ANKRD31: variants seen among roughly 807,000 people sequenced by gnomAD.
ANKRD31 encodes the protein ankyrin repeat domain 31.
ANKRD31 carries 147 observed loss-of-function variants against 186.0 expected under a neutral mutation model. That is an observed-to-expected ratio of 0.79 (90% CI 0.69 to 0.91). The LOEUF (loss-of-function observed/expected upper bound fraction) is 0.91. Ranked by LOEUF, ANKRD31 falls within the 40% of genes least tolerant of loss-of-function variation. ANKRD31 has a pLI of 0.00. For missense variants in ANKRD31, 1,986 were observed against 2,148.8 expected (o/e 0.92, Z 1.50); for synonymous variants, 673 against 736.4 (o/e 0.91, Z 1.39).
At chr5:75,088,860 C>T (rs915125802) in intron 23 of ANKRD31, among the ~76,000 whole-genome samples, 10 of 152,176 alleles carry the variant, frequency 6.6e-5, no homozygotes, top group Non-Finnish European at 1.0e-4. Flanking sequence ...TCAAGCTCCA[C>T]AATCGCTACG....
At chr5:75,153,739 T>A (rs1332199461) in intron 12 of ANKRD31, among the ~76,000 whole-genome samples, 1 of 152,148 alleles carries the variant, frequency 6.6e-6, no homozygotes, top group Non-Finnish European at 1.5e-5. Flanking sequence ...TAAATTATGT[T>A]TACATAATTT....
In ANKRD31 at chr5:75,130,447, C is replaced by T. The variant is rs552348316; in HGVS notation, c.3876+7409G>A. ...CACCTACATCCTACTGATTGGTCCA[C>T]TTTAAAGAGAGCTGATTGGTCCATT... is the stretch of plus-strand genomic sequence containing the variant. On this transcript the variant is annotated intron_variant, in intron 17 of 25. Coordinates refer to ENST00000506364, the MANE Select transcript of ANKRD31 (RefSeq NM_001372053.1). Among the ~76,000 whole-genome samples the T allele has an allele frequency of 1.9e-4, 29 of 152,294 alleles. No individual in the cohort carries two copies. In the South Asian group the frequency reaches 5.2e-3, roughly 27 times the overall value.
Position 75,167,174 on chromosome 5 carries a change from AT to A in ANKRD31, c.1707+1804del, listed in dbSNP as rs72014745. On this transcript the variant is annotated intron_variant, in intron 11 of 25. Transcript: ENST00000506364. ...AAATTAATGGAATGGTAAGATGTGG[AT>A]TTTTTTTTTTTACTGCTTTTTCACT... Among the ~76,000 whole-genome samples, 325 of 146,376 alleles carry A rather than the reference AT, an allele frequency of 2.2e-3. 1 individual carries two copies. Among genetic ancestry groups the A allele is most frequent in the African/African-American group, 5.1e-3 (206 of 40,264 alleles).
At chr5:75,099,901 G>GT (rs1313036706) in intron 22 of ANKRD31, among the ~76,000 whole-genome samples, 2 of 152,178 alleles carry the variant, frequency 1.3e-5, no homozygotes, top group South Asian at 2.1e-4. Flanking sequence ...TTTTTGAATG[G>GT]TTTTTTGTGT....
At chr5:75,154,524 G>A (rs1021384196) in intron 11 of ANKRD31, among the ~76,000 whole-genome samples, 179 bp from the exon 12 acceptor site, 1 of 151,956 alleles carries the variant, frequency 6.6e-6, no homozygotes, top group African/African-American at 2.4e-5. Flanking sequence ...ATTTTAATTT[G>A]TTGATACATG....
intron 6 of ANKRD31, among the ~76,000 whole-genome samples, chr5:75,199,390 G>A (rs889761697): frequency 6.6e-6 from 1 of 152,136 alleles, no homozygotes; most frequent in Non-Finnish European, 1.5e-5. Context: ...TTCTACTCTA[G>A]ATAAAAAGTA....
At chr5:75,129,782 T>C (rs2150107207) in intron 17 of ANKRD31, among the ~76,000 whole-genome samples, 2 of 152,274 alleles carry the variant, frequency 1.3e-5, no homozygotes, top group Admixed American at 1.3e-4. Context: ...CACTGGGGCT[T>C]GTCGGACAGT....
In ANKRD31 at chr5:75,196,011, C is replaced by T; in HGVS notation, c.637G>A (p.Glu213Lys). The T allele has an allele frequency of 6.5e-7, 1 of 1,532,746 alleles. No homozygotes were observed. The allele number at this position is 1,532,746 out of a possible 1,614,324, so 94.9% of individuals were successfully genotyped here. ...ACAAAGGTTTCAAGAGAGCTTTCTT[C>T]ATCCTTAGTTTCTTCAGAAGTCATG... ...MTMTSEETKDEESSLETFVSA... is the reference protein window; with the variant it reads ...MTMTSEETKDKESSLETFVSA... Residue 213 changes from glutamate to lysine, a missense_variant, in exon 7 of 26, where the codon GAA becomes AAA. Transcript: ENST00000506364.
Position 75,174,860 on chromosome 5 carries a change from G to C in ANKRD31, c.1565-5739C>G, listed in dbSNP as rs571530331. 1.5e-3 allele frequency among the ~76,000 whole-genome samples: 230 copies of C among 152,228 alleles called. 1 individual carries two copies. The highest frequency in any genetic ancestry group is 5.4e-3 in the African/African-American group (224 of 41,512). Reference sequence around the variant, plus strand: ...TCTAGAACTAGAAATACCATTTGACGCAGCCATCCCATTACTGGGTATACA... The same window carrying C: ...TCTAGAACTAGAAATACCATTTGACCCAGCCATCCCATTACTGGGTATACA... On this transcript the variant is annotated intron_variant, in intron 10 of 25. Coordinates refer to ENST00000506364, the MANE Select transcript of ANKRD31 (RefSeq NM_001372053.1).
chr5:75,107,252 A>T (rs1580340339), intron 21 of ANKRD31, among the ~76,000 whole-genome samples: 3 of 152,190 alleles, frequency 2.0e-5, no homozygotes, highest in Middle Eastern at 6.8e-3. Flanking sequence ...ATTCACAACC[A>T]GAAAGGCTTT....
chr5:75,133,879 A>C (rs879979358), intron 17 of ANKRD31, among the ~76,000 whole-genome samples: 7 of 152,186 alleles, frequency 4.6e-5, no homozygotes, highest in African/African-American at 9.6e-5. Context: ...AACCGCTCAA[A>C]TACATGGAAA....
At chr5:75,092,195 T>C (rs1054258329) in intron 22 of ANKRD31, among the ~76,000 whole-genome samples, 1 of 152,172 alleles carries the variant, frequency 6.6e-6, no homozygotes, top group Non-Finnish European at 1.5e-5. Flanking sequence ...TCAAGGGCAC[T>C]ATCAGAAATA....
rs1751410712 is a variant in ANKRD31 at position 75,146,073 on chromosome 5, GAATCT to G, written c.3333_3337del (p.Asp1112SerfsTer4). 2.6e-6 allele frequency: 4 copies of G among 1,530,836 alleles called. No homozygotes were observed. Among genetic ancestry groups the G allele is most frequent in the Non-Finnish European group, 3.5e-6 (4 of 1,144,686 alleles). 94.8% of individuals were successfully genotyped at this position (1,530,836 alleles called of 1,614,324 possible). A position where few individuals can be genotyped will look rare whatever the true frequency, so the allele number is the denominator to read the frequency against. ...TTTACTCATATTGTCAGTGGAATGA[GAATCT>G]ATATTGTGTATAGTCTCACTTTCTA... On this transcript the variant is annotated frameshift_variant, in exon 14 of 26. Coordinates refer to ENST00000506364, the MANE Select transcript of ANKRD31 (RefSeq NM_001372053.1). LOFTEE classifies it high-confidence loss of function.
intron 12 of ANKRD31, among the ~76,000 whole-genome samples, chr5:75,152,373 A>G (rs1450672752): frequency 6.6e-6 from 1 of 152,056 alleles, no homozygotes; most frequent in Non-Finnish European, 1.5e-5. Flanking sequence ...CTATTAAGGG[A>G]GAACTACAGG....
chr5:75,130,979 T>C (rs1271376439), intron 17 of ANKRD31, among the ~76,000 whole-genome samples: 1 of 152,188 alleles, frequency 6.6e-6, no homozygotes, highest in African/African-American at 2.4e-5. Context: ...AGAACCGCCA[T>C]TTTGGCCAAC....
Position 75,147,165 on chromosome 5 carries a change from T to G in ANKRD31, c.2246A>C (p.Lys749Thr). The change falls in exon 14 of 26, where the codon AAG becomes ACG. Residue 749 changes from lysine (K) to threonine (T), a missense_variant. Lys to Thr is a moderately conservative substitution (Grantham distance 78). Coordinates refer to ENST00000506364, the MANE Select transcript of ANKRD31 (RefSeq NM_001372053.1). ...QVDDVDCNPR[K>T]ILAVSPSRRI... ...CCTGGAAGGAGAGACAGCTAGTATC[T>G]TTCTTGGATTACAGTCTACATCATC... 6.5e-7 allele frequency: 1 copy of G among 1,536,366 alleles called. No homozygotes were observed. Among genetic ancestry groups the G allele is most frequent in the Non-Finnish European group, 8.7e-7 (1 of 1,146,316 alleles).
intron 22 of ANKRD31, among the ~76,000 whole-genome samples, chr5:75,096,563 G>A (rs1394693867): frequency 3.3e-5 from 5 of 152,050 alleles, no homozygotes; most frequent in Non-Finnish European, 5.9e-5. Context: ...TGCTTGTGGC[G>A]ATTTCATCAT....
At chr5:75,197,090 TG>T (rs1160453316) in intron 6 of ANKRD31, among the ~76,000 whole-genome samples, 2 of 152,024 alleles carry the variant, frequency 1.3e-5, no homozygotes, top group South Asian at 2.1e-4. Context: ...TTAGGAGAGA[TG>T]GGGTTTCACC....
intron 12 of ANKRD31, among the ~76,000 whole-genome samples, chr5:75,150,072 C>T (rs553507715): frequency 1.3e-5 from 2 of 151,800 alleles, no homozygotes; most frequent in East Asian, 1.9e-4. Context: ...CATAATGTAC[C>T]GGGTACTGTG....
Sources: allele counts gnomAD v4.1 joint callset (sites outside exome capture counted in the v4.1 genomes callset), GRCh38; gene constraint gnomAD v4.1.1; transcripts MANE v1.5; gene names NCBI Gene and HGNC (gene_info 2026-07-23, HGNC 2026-07-21).